PREX2: variants seen among roughly 807,000 people sequenced by gnomAD.
PREX2 encodes phosphatidylinositol-3,4,5-trisphosphate dependent Rac exchange factor 2.
Under a neutral mutation model 203.2 loss-of-function variants are expected in PREX2, and 107 were observed. The observed-to-expected ratio is 0.53, with a 90% confidence interval of 0.45 to 0.62. The LOEUF is 0.62. Among genes scored for constraint, PREX2 ranks in the 20% least tolerant of loss-of-function variants. PREX2 has a pLI of 0.00. For synonymous variants in PREX2, 672 were observed against 663.6 expected, an observed-to-expected ratio of 1.01 and a Z score of -0.19; for missense variants, 1,777 against 1,955.9, an observed-to-expected ratio of 0.91 and a Z score of 1.72.
At position 68,232,426 on chromosome 8, in the gene PREX2, TA is replaced by T. The variant is rs1813185608; in HGVS notation, c.*1051del. On this transcript the variant is annotated 3_prime_UTR_variant, in exon 40 of 40. Coordinates refer to ENST00000288368, the MANE Select transcript of PREX2 (RefSeq NM_024870.4). ...CACAAGGTGTATTCTATCCTTATTC[TA>T]AAGTATATGTAATGTTTATCATTTC... The T allele has an allele frequency of 6.6e-6, 1 of 152,196 alleles. No homozygotes were observed. The highest frequency in any genetic ancestry group is 2.1e-4 in the South Asian group (1 of 4,834). The allele number at this position is 152,196 out of a possible 1,614,324, so 9.4% of individuals were successfully genotyped here. A position where few individuals can be genotyped will look rare whatever the true frequency, so the allele number is the denominator to read the frequency against.
At chr8:68,137,500 G>A (rs1481834344) in intron 32 of PREX2, among the ~76,000 whole-genome samples, 1 of 151,828 alleles carries the variant, frequency 6.6e-6, no homozygotes, top group Non-Finnish European at 1.5e-5. Context: ...TGAACTCCTG[G>A]GCTCAAGTGA....
intron 7 of PREX2, among the ~76,000 whole-genome samples, chr8:68,043,918 A>C (rs907098337): frequency 6.6e-6 from 1 of 152,210 alleles, no homozygotes; most frequent in African/African-American, 2.4e-5. Flanking sequence ...TTTAGAAATA[A>C]ATAAGGCCTT....
chr8:68,192,727 C>T (rs1166312452), intron 37 of PREX2: 8 of 422,218 alleles, frequency 1.9e-5, no homozygotes, highest in Admixed American at 4.0e-5. Context: ...GGCAATCCCA[C>T]GTTTATATCA....
intron 15 of PREX2, among the ~76,000 whole-genome samples, chr8:68,080,181 A>G (rs1272463428): frequency 6.6e-6 from 1 of 152,236 alleles, no homozygotes; most frequent in Non-Finnish European, 1.5e-5. Flanking sequence ...GTTAAATTTT[A>G]AAAAGTTAGC....
At chr8:68,081,472 T>C (rs1809522796) in intron 17 of PREX2, among the ~76,000 whole-genome samples, 1 of 152,158 alleles carries the variant, frequency 6.6e-6, no homozygotes, top group Non-Finnish European at 1.5e-5. Context: ...GCTCATTCTT[T>C]GTCCCTGGAG....
chr8:68,128,357 C>T (rs1457806132), intron 31 of PREX2, among the ~76,000 whole-genome samples: 1 of 151,620 alleles, frequency 6.6e-6, no homozygotes, highest in Non-Finnish European at 1.5e-5. Flanking sequence ...TAGCAGTTAG[C>T]TTTTGTTGTG....
intron 37 of PREX2, 37 bp downstream of exon 37, chr8:68,192,562 G>A (rs1407184130): frequency 6.7e-7 from 1 of 1,493,152 alleles, no homozygotes; most frequent in South Asian, 1.3e-5. Flanking sequence ...CTCTTTGTTA[G>A]ATCACACTTT....
At chr8:68,188,789 C>T (rs938977842) in intron 35 of PREX2, among the ~76,000 whole-genome samples, 1 of 152,100 alleles carries the variant, frequency 6.6e-6, no homozygotes, top group African/African-American at 2.4e-5. Context: ...CCATCTGGCC[C>T]CACCCTTGAC....
At chr8:68,013,895 GATA>G (rs1807336945) in intron 1 of PREX2, among the ~76,000 whole-genome samples, 2 of 152,090 alleles carry the variant, frequency 1.3e-5, no homozygotes, top group Non-Finnish European at 2.9e-5. Flanking sequence ...AGTGCTGTAT[GATA>G]CAAAATTCAG....
chr8:68,196,342 CT>C (rs1812393343), intron 37 of PREX2, among the ~76,000 whole-genome samples: 1 of 149,074 alleles, frequency 6.7e-6, no homozygotes, highest in African/African-American at 2.4e-5. Context: ...TTCTGACATC[CT>C]TTTTCATTTT....
intron 15 of PREX2, 37 bp from the exon 16 acceptor site, chr8:68,080,406 A>G (rs1416088289): frequency 6.3e-7 from 1 of 1,599,406 alleles, no homozygotes; most frequent in East Asian, 2.2e-5. Flanking sequence ...CGATTTTTGA[A>G]TTAGCTGAAA....
At chr8:68,176,732 C>T (rs866649179) in intron 35 of PREX2, 7 of 152,018 alleles carry the variant, frequency 4.6e-5, no homozygotes, top group South Asian at 2.1e-4. Flanking sequence ...GTGAGTTTTT[C>T]GGCAGAGCAA....
chr8:68,235,826 G>A lies in PREX2; in HGVS notation c.*4448G>A, dbSNP rs7464421. On this transcript the variant is annotated 3_prime_UTR_variant, in exon 40 of 40. Transcript: ENST00000288368. ...GATGTCAGCATTCATACTGCCAACA[G>A]TCTGCTGGTCATACATGGAAGACTG... 86,710 of 151,938 alleles carry A rather than the reference G, an allele frequency of 0.57. 27,499 individuals carry two copies. Among genetic ancestry groups the A allele is most frequent in the East Asian group, 0.93 (4,833 of 5,176 alleles). The allele number at this position is 151,938 out of a possible 1,614,324, so 9.4% of individuals were successfully genotyped here. A position where few individuals can be genotyped will look rare whatever the true frequency, so the allele number is the denominator to read the frequency against.
intron 31 of PREX2, among the ~76,000 whole-genome samples, chr8:68,130,813 C>T (rs1810994509): frequency 6.6e-6 from 1 of 152,180 alleles, no homozygotes; most frequent in Admixed American, 6.5e-5. Context: ...ATTAGCCCTC[C>T]AGTAGAAGGA....
chr8:68,229,771 G>C (rs180910034), intron 39 of PREX2, among the ~76,000 whole-genome samples: 1 of 152,264 alleles, frequency 6.6e-6, no homozygotes, highest in African/African-American at 2.4e-5. Flanking sequence ...TGTCCTACGT[G>C]ACTAAGCCCA....
intron 1 of PREX2, among the ~76,000 whole-genome samples, chr8:67,969,054 C>T (rs1805852761): frequency 6.6e-6 from 1 of 152,186 alleles, no homozygotes; most frequent in Admixed American, 6.5e-5. Flanking sequence ...TCTTAATGCT[C>T]ATGCCAGTCA....
At chr8:67,976,456 GAGAGAGAGAC>G (rs1806090418) in intron 1 of PREX2, among the ~76,000 whole-genome samples, 1 of 149,830 alleles carries the variant, frequency 6.7e-6, no homozygotes, top group Non-Finnish European at 1.5e-5. Flanking sequence ...GACAGAGAGA[GAGAGAGAGAC>G]AGAGACAGAG....
At chr8:68,161,374 T>C (rs1811650923) in intron 35 of PREX2, among the ~76,000 whole-genome samples, 1 of 152,164 alleles carries the variant, frequency 6.6e-6, no homozygotes, top group African/African-American at 2.4e-5. Flanking sequence ...ATTACAAGCG[T>C]GAGCCACCAT....
chr8:68,070,126 A>T (rs1344228455), intron 13 of PREX2, among the ~76,000 whole-genome samples: 1 of 151,804 alleles, frequency 6.6e-6, no homozygotes, highest in African/African-American at 2.4e-5. Flanking sequence ...TTCATAGTAA[A>T]TTATACACTT....
Sources: gnomAD v4.1 joint callset for allele counts (sites outside exome capture counted in the v4.1 genomes callset) on GRCh38, gnomAD v4.1.1 for gene constraint, MANE v1.5 for transcripts, NCBI Gene and HGNC (gene_info 2026-07-23, HGNC 2026-07-21) for gene names.